IMMP2L: variants seen among roughly 807,000 people sequenced by gnomAD.
The protein encoded by IMMP2L is mitochondrial inner membrane protease subunit 2.
IMMP2L carries 18 observed loss-of-function variants against 19.3 expected under a neutral mutation model. The observed-to-expected ratio is 0.93, with a 90% CI of 0.64 to 1.38. The LOEUF (loss-of-function observed/expected upper bound fraction) is 1.38. IMMP2L is among the 40% of genes most tolerant of loss of function. The pLI is 0.00. For synonymous variants in IMMP2L, 76 were observed against 73.0 expected (o/e 1.04, Z -0.21); for missense variants, 233 against 218.2 (o/e 1.07, Z -0.43).
At chr7:110,672,830 C>T (rs920325318) in intron 5 of IMMP2L, among the ~76,000 whole-genome samples, 4 of 152,194 alleles carry the variant, frequency 2.6e-5, no homozygotes, top group Admixed American at 6.5e-5. Flanking sequence ...CAGCTCCGTC[C>T]CTGTGGCTTT....
intron 4 of IMMP2L, among the ~76,000 whole-genome samples, chr7:110,932,390 G>C (rs1815591797): frequency 6.6e-6 from 1 of 151,762 alleles, no homozygotes; most frequent in Non-Finnish European, 1.5e-5. Context: ...GTCTCACTCT[G>C]TCGCCCAGGC....
intron 3 of IMMP2L, among the ~76,000 whole-genome samples, chr7:111,322,517 T>A (rs1824838202): frequency 6.6e-6 from 1 of 151,438 alleles, no homozygotes; most frequent in African/African-American, 2.4e-5. Context: ...TGTAGCTAAG[T>A]TTGAAACAAT....
At chr7:111,364,123 A>G (rs1829534430) in intron 3 of IMMP2L, among the ~76,000 whole-genome samples, 1 of 152,010 alleles carries the variant, frequency 6.6e-6, no homozygotes, top group Non-Finnish European at 1.5e-5. Flanking sequence ...CTGTTTCTCT[A>G]TATAGACAGT....
chr7:110,702,123 C>A (rs1243207074), intron 5 of IMMP2L, among the ~76,000 whole-genome samples: 1 of 151,066 alleles, frequency 6.6e-6, no homozygotes, highest in African/African-American at 2.4e-5. Context: ...TTTGTAGAGA[C>A]GGATTTTCAC....
intron 4 of IMMP2L, among the ~76,000 whole-genome samples, chr7:110,909,926 C>CAGAGAGAGAGAGAGAGAGAGAGAG (rs139251144): frequency 2.1e-5 from 3 of 145,748 alleles, no homozygotes; most frequent in African/African-American, 7.6e-5. Flanking sequence ...GAGAGATAGA[C>CAGAGAGAGAGAGAGAGAGAGAGAG]AGAGAGAGAG....
intron 3 of IMMP2L, among the ~76,000 whole-genome samples, chr7:110,979,920 T>C (rs999940728): frequency 3.9e-5 from 6 of 152,146 alleles, no homozygotes; most frequent in Admixed American, 1.3e-4. Context: ...TGTAAATTTA[T>C]GGTATGTGAA....
At chr7:111,002,881 G>A (rs1003424410) in intron 3 of IMMP2L, among the ~76,000 whole-genome samples, 2 of 152,164 alleles carry the variant, frequency 1.3e-5, no homozygotes, top group Non-Finnish European at 2.9e-5. Context: ...TGGTGGGGAT[G>A]AGCCAGTGTC....
intron 4 of IMMP2L, among the ~76,000 whole-genome samples, chr7:110,959,820 A>G (rs1818744554): frequency 6.6e-6 from 1 of 151,894 alleles, no homozygotes. Context: ...GACCTTTTAC[A>G]TCATCCAACT....
intron 3 of IMMP2L, among the ~76,000 whole-genome samples, chr7:111,414,344 A>G (rs972771040): frequency 2.6e-5 from 4 of 151,920 alleles, no homozygotes; most frequent in Non-Finnish European, 5.9e-5. Context: ...GTGATTTAAA[A>G]AATCATAACC....
At chr7:111,440,146 C>G (rs939312859) in intron 3 of IMMP2L, among the ~76,000 whole-genome samples, 1 of 151,906 alleles carries the variant, frequency 6.6e-6, no homozygotes, top group Non-Finnish European at 1.5e-5. Flanking sequence ...TCAACTTCTT[C>G]CAAACTGCTG....
chr7:111,428,956 A>G (rs1348003601), intron 3 of IMMP2L, among the ~76,000 whole-genome samples: 2 of 151,874 alleles, frequency 1.3e-5, no homozygotes, highest in African/African-American at 2.4e-5. Context: ...TGACAAATAG[A>G]AAGTATCAGA....
chr7:110,856,853 G>A (rs564939855), intron 5 of IMMP2L, among the ~76,000 whole-genome samples: 6 of 152,158 alleles, frequency 3.9e-5, no homozygotes, highest in African/African-American at 1.4e-4. Context: ...TTAAACAGCA[G>A]TGGTCTTAAG....
At chr7:111,403,155 T>C (rs947281847) in intron 3 of IMMP2L, among the ~76,000 whole-genome samples, 2 of 152,022 alleles carry the variant, frequency 1.3e-5, no homozygotes, top group Admixed American at 1.3e-4. Flanking sequence ...GGAAGGGACC[T>C]GGTGGGAGGT....
intron 3 of IMMP2L, among the ~76,000 whole-genome samples, chr7:111,161,937 T>C (rs1202072956): frequency 4.6e-5 from 7 of 152,088 alleles, no homozygotes; most frequent in Non-Finnish European, 7.4e-5. Context: ...AAAAAAATTA[T>C]ATTACGATAT....
chr7:111,129,279 T>C (rs114192785), intron 3 of IMMP2L, among the ~76,000 whole-genome samples: 3,341 of 152,128 alleles, frequency 0.022, 106 homozygotes, highest in African/African-American at 0.073. Context: ...TTCTAGGAGA[T>C]AGGGAGTAAT....
intron 3 of IMMP2L, among the ~76,000 whole-genome samples, chr7:110,986,200 T>C (rs1218951456): frequency 6.6e-6 from 1 of 152,004 alleles, no homozygotes; most frequent in African/African-American, 2.4e-5. Context: ...TCATTTAAAA[T>C]ATGCTGAGCT....
At chr7:111,136,432 T>TAA (rs139750069) in intron 3 of IMMP2L, among the ~76,000 whole-genome samples, 3 of 151,406 alleles carry the variant, frequency 2.0e-5, no homozygotes, top group African/African-American at 7.3e-5. Context: ...ATTTTAGAAA[T>TAA]AAAAAAAAAT....
chr7:110,884,649 T>G (rs1810023702), intron 5 of IMMP2L, among the ~76,000 whole-genome samples: 1 of 152,040 alleles, frequency 6.6e-6, no homozygotes, highest in Non-Finnish European at 1.5e-5. Flanking sequence ...GAGAGAGACA[T>G]AAAATGGCTT....
intron 3 of IMMP2L, among the ~76,000 whole-genome samples, chr7:111,018,617 A>C (rs1371992558): frequency 2.0e-5 from 3 of 152,044 alleles, no homozygotes; most frequent in African/African-American, 7.2e-5. Flanking sequence ...AACCCCTACA[A>C]TGCCAACAGA....
Sources: allele counts gnomAD v4.1 joint callset (sites outside exome capture counted in the v4.1 genomes callset), GRCh38; gene constraint gnomAD v4.1.1; transcripts MANE v1.5; gene names NCBI Gene and HGNC (gene_info 2026-07-23, HGNC 2026-07-21).